Variants in LPAR5 observed in about 807,000 individuals in gnomAD.
LPAR5 encodes the protein lysophosphatidic acid receptor 5, also known as G protein-coupled receptor 92.
For missense variants in LPAR5, 544 were observed against 521.8 expected, an observed-to-expected ratio of 1.04 and a Z score of -0.41; for synonymous variants, 271 against 261.6, an observed-to-expected ratio of 1.04 and a Z score of -0.35.
rs1015956470 is a variant in LPAR5, at chr12:6,619,841, C to T, written c.*289G>A. On this transcript the variant is annotated 3_prime_UTR_variant, in exon 2 of 2. Coordinates refer to ENST00000329858, the MANE Select transcript of LPAR5 (RefSeq NM_020400.6). ...TTAGCAGTTTAATGCCCTGCCCACC[C>T]AAAGGCATTTCGTCCTCTTCTGCCC... 7 of 592,938 alleles carry T rather than the reference C, an allele frequency of 1.2e-5. No individual in the cohort carries two copies. The Admixed American group carries it at 1.6e-4, about 13-fold the overall frequency. 36.7% of individuals were successfully genotyped at this position (592,938 alleles called of 1,614,324 possible). A position where few individuals can be genotyped will look rare whatever the true frequency, so the allele number is the denominator to read the frequency against.
intron 1 of LPAR5, among the ~76,000 whole-genome samples, chr12:6,628,028 C>CT (rs71067128): frequency 3.6e-4 from 48 of 134,504 alleles, no homozygotes; most frequent in African/African-American, 4.3e-4. Context: ...TTTCTTTTTT[C>CT]TTTTTTTTTT....
At chr12:6,629,329 TCG>T in intron 1 of LPAR5, among the ~76,000 whole-genome samples, 1 of 140,702 alleles carries the variant, frequency 7.1e-6, no homozygotes, top group East Asian at 2.1e-4. Flanking sequence ...TGAGCCGAGA[TCG>T]TGCCACTGCA....
chr12:6,630,118 G>A (rs1948971860), intron 1 of LPAR5, among the ~76,000 whole-genome samples: 2 of 151,996 alleles, frequency 1.3e-5, no homozygotes, highest in South Asian at 4.1e-4. Context: ...CCAAAGGGGA[G>A]AAGTTCTTGG....
intron 1 of LPAR5, among the ~76,000 whole-genome samples, chr12:6,634,706 G>C (rs1309274341): frequency 6.6e-6 from 1 of 150,810 alleles, no homozygotes; most frequent in Non-Finnish European, 1.5e-5. Flanking sequence ...TGAAGTGGGA[G>C]GATTGCTTGA....
At chr12:6,626,043 G>A (rs1300368491) in intron 1 of LPAR5, among the ~76,000 whole-genome samples, 1 of 152,146 alleles carries the variant, frequency 6.6e-6, no homozygotes, top group Admixed American at 6.6e-5. Context: ...GCTGAGGTGG[G>A]TGGATCACTT....
chr12:6,620,201 CCT>C lies in LPAR5; in HGVS notation c.1046_1047del (p.Gln349ArgfsTer92), dbSNP rs1948876687. Reference sequence around the variant, plus strand: ...TGGGAGTCGGAGGGTCGGAGCAGCCCCTGACTGGCGGCATCCGGCCTGGTGGC... The same window carrying C: ...TGGGAGTCGGAGGGTCGGAGCAGCCCGACTGGCGGCATCCGGCCTGGTGGC... Reference protein sequence around the residue: ...TDATRPDAASQGLLRPSDSHS... With the variant: ...TDATRPDAASXGLLRPSDSHS... On this transcript the variant is annotated frameshift_variant, in exon 2 of 2. Coordinates refer to ENST00000329858, the MANE Select transcript of LPAR5 (RefSeq NM_020400.6). LOFTEE classifies it low-confidence loss of function (END_TRUNC). The surrounding 1 kb of genome is among the most constrained non-coding windows in gnomAD (Gnocchi z 6.8). The C allele has an allele frequency of 1.2e-6, 2 of 1,613,234 alleles. No individual in the cohort carries two copies. The highest frequency in any genetic ancestry group is 1.7e-6 in the Non-Finnish European group (2 of 1,179,578).
Position 6,620,481 on chromosome 12 carries a change from G to T in LPAR5, c.768C>A (p.Val256=), listed in dbSNP as rs1283733777. Residue 256 remains valine (V), a synonymous_variant, in exon 2 of 2, where the codon GTC becomes GTA. Transcript: ENST00000329858. This position sits in a 1 kb window ranked among gnomAD's most constrained non-coding sequence, Gnocchi z 6.8. The part of the protein sequence containing the change: ...CFVPYNSTLA[V]YGLLRSKLVA... ...CCAGCTTGCTCCGCAGCAGCCCGTA[G>T]ACCGCCAGCGTGCTGTTGTAGGGCA... 2 of 1,587,990 alleles carry T rather than the reference G, an allele frequency of 1.3e-6. No homozygotes were observed. Among genetic ancestry groups the T allele is most frequent in the Non-Finnish European group, 1.7e-6 (2 of 1,167,050 alleles).
intron 1 of LPAR5, among the ~76,000 whole-genome samples, chr12:6,625,837 C>T (rs972351316): frequency 1.3e-5 from 2 of 152,078 alleles, no homozygotes; most frequent in Admixed American, 6.5e-5. Context: ...GGTCTCACTC[C>T]GTGGTCCAGG....
chr12:6,625,489 A>C (rs112433293), intron 1 of LPAR5, among the ~76,000 whole-genome samples: 1 of 150,810 alleles, frequency 6.6e-6, no homozygotes, highest in South Asian at 2.1e-4. Flanking sequence ...TAGGAGGCCA[A>C]GGCGGGCGGA....
At position 6,620,611 on chromosome 12, in the gene LPAR5, C is replaced by T. The variant is rs1211735927; in HGVS notation, c.638G>A (p.Arg213Gln). 6.4e-7 allele frequency: 1 copy of T among 1,551,464 alleles called. No individual in the cohort carries two copies. The highest frequency in any genetic ancestry group is 8.7e-7 in the Non-Finnish European group (1 of 1,148,216). ...GGGGCGCGCCAGCGTCCAGAAGACT[C>T]GGCCCGACGAGTAGACCACCGCCGC... ...PLAAVVYSSG[R>Q]VFWTLARPDA... The change falls in exon 2 of 2, where the codon CGA becomes CAA. Residue 213 changes from arginine (R) to glutamine (Q), a missense_variant. Physicochemically the swap from Arg to Gln is conservative, Grantham distance 43 (BLOSUM62 1). Transcript: ENST00000329858. This position sits in a 1 kb window ranked among gnomAD's most constrained non-coding sequence, Gnocchi z 6.8.
intron 1 of LPAR5, among the ~76,000 whole-genome samples, chr12:6,631,895 C>G (rs2136245291): frequency 6.6e-6 from 1 of 152,288 alleles, no homozygotes; most frequent in East Asian, 1.9e-4. Context: ...CTCCCCCATA[C>G]CCTTCCTGTG....
chr12:6,631,494 C>T (rs1948980511), intron 1 of LPAR5: 1 of 152,420 alleles, frequency 6.6e-6, no homozygotes, highest in African/African-American at 2.4e-5. Context: ...CAACACCGCT[C>T]ACACACCAGA....
At position 6,619,114 on chromosome 12, in the gene LPAR5, A is replaced by G. The variant is rs182661191; in HGVS notation, c.*1016T>C. The G allele has an allele frequency of 1.9e-4, 29 of 152,376 alleles. No homozygotes were observed. Among genetic ancestry groups the G allele is most frequent in the Admixed American group, 1.8e-3 (27 of 15,294 alleles). The allele number at this position is 152,376 out of a possible 1,614,324, so 9.4% of individuals were successfully genotyped here. A position where few individuals can be genotyped will look rare whatever the true frequency, so the allele number is the denominator to read the frequency against. On this transcript the variant is annotated 3_prime_UTR_variant, in exon 2 of 2. Transcript: ENST00000329858. ...GAGGCTTCATGAAGTGTGTGTGGTG[A>G]CATTATTGCTCCCATGGCTAATGTA...
In LPAR5 at chr12:6,620,733, C is replaced by T; in HGVS notation, c.516G>A (p.Val172=). The T allele has an allele frequency of 6.3e-7, 1 of 1,589,300 alleles. No homozygotes were observed. The highest frequency in any genetic ancestry group is 8.6e-7 in the Non-Finnish European group (1 of 1,168,082). ...CGCTGAAGCTCTCGAAGCATAGGCG[C>T]ACCTCGAGGTCCCGGTAGCGGCAAC... ...PSRCRYRDLE[V]RLCFESFSDE... The change falls in exon 2 of 2, where the codon GTG becomes GTA. Residue 172 remains valine (V), a synonymous_variant. Coordinates refer to ENST00000329858, the MANE Select transcript of LPAR5 (RefSeq NM_020400.6). This position sits in a 1 kb window ranked among gnomAD's most constrained non-coding sequence, Gnocchi z 6.8.
Position 6,620,829 on chromosome 12 carries a change from C to A in LPAR5, c.420G>T (p.Leu140=). The A allele has an allele frequency of 6.4e-7, 1 of 1,560,754 alleles. No homozygotes were observed. The highest frequency in any genetic ancestry group is 8.7e-7 in the Non-Finnish European group (1 of 1,152,520). Residue 140 remains leucine, a synonymous_variant, in exon 2 of 2, where the codon CTG becomes CTT. Coordinates refer to ENST00000329858, the MANE Select transcript of LPAR5 (RefSeq NM_020400.6). The surrounding 1 kb of genome is among the most constrained non-coding windows in gnomAD (Gnocchi z 6.8). ...RHLRRPRVAR[L]LCLGVWALIL... ...TGAGCGCCCACACGCCCAGGCAGAG[C>A]AGCCGCGCCACGCGGGGCCGCCGCA... is the stretch of plus-strand genomic sequence containing the variant.
chr12:6,634,615 A>AGAGC (rs1289884082), intron 1 of LPAR5, among the ~76,000 whole-genome samples: 5 of 139,304 alleles, frequency 3.6e-5, no homozygotes, highest in African/African-American at 1.4e-4. Flanking sequence ...CCTAGACGAC[A>AGAGC]GAGCGAGACC....
At chr12:6,635,851 C>T (rs1949005498) in intron 1 of LPAR5, 56 bp downstream of exon 1, 1 of 152,386 alleles carries the variant, frequency 6.6e-6, no homozygotes, top group Admixed American at 6.5e-5. Context: ...CCCATTTCTA[C>T]AGGGGGGTGC....
intron 1 of LPAR5, among the ~76,000 whole-genome samples, chr12:6,628,432 GTCTT>G (rs200003318): frequency 5.3e-5 from 8 of 151,892 alleles, no homozygotes; most frequent in Non-Finnish European, 8.8e-5. Context: ...CCTCAAGTCT[GTCTT>G]TCTTTCTTTC....
chr12:6,625,229 T>C (rs1280899018), intron 1 of LPAR5, among the ~76,000 whole-genome samples: 1 of 151,150 alleles, frequency 6.6e-6, no homozygotes, highest in African/African-American at 2.4e-5. Flanking sequence ...ATTGAGACCA[T>C]CCTGGCTAAC....
Sources: gnomAD v4.1 joint callset for allele counts (sites outside exome capture counted in the v4.1 genomes callset) on GRCh38, gnomAD v4.1.1 for gene constraint, Gnocchi (gnomAD v3.1) non-coding constraint, MANE v1.5 for transcripts, NCBI Gene and HGNC (gene_info 2026-07-23, HGNC 2026-07-21) for gene names.